The following HPCAL1 variants were observed in gnomAD, a reference collection of about 807,000 sequenced individuals.
The protein encoded by HPCAL1 is hippocalcin like 1, also known as hippocalcin-like protein 1.
A neutral mutation model predicts 17.1 loss-of-function variants in HPCAL1; 8 were observed. That is an observed-to-expected ratio of 0.47 (90% CI 0.27 to 0.84). HPCAL1 has a LOEUF of 0.84. Ranked by LOEUF, HPCAL1 falls within the 40% of genes least tolerant of loss-of-function variation. The pLI is 0.13. For synonymous variants in HPCAL1, 112 were observed against 111.4 expected, an observed-to-expected ratio of 1.01 and a Z score of -0.03; for missense variants, 165 against 271.1, an observed-to-expected ratio of 0.61 and a Z score of 2.75.
chr2:10,405,864 C>G (rs1669938199), intron 2 of HPCAL1, among the ~76,000 whole-genome samples: 1 of 152,256 alleles, frequency 6.6e-6, no homozygotes, highest in South Asian at 2.1e-4. Context: ...TGCCCTCTTA[C>G]ATTTTCTCCC....
In HPCAL1 at chr2:10,343,585, G is replaced by A. The variant is rs1665227655; in HGVS notation, c.-111+40408G>A. Among the ~76,000 whole-genome samples, 1 of 152,206 alleles carries A rather than the reference G, an allele frequency of 6.6e-6. No homozygotes were observed. Among genetic ancestry groups the A allele is most frequent in the Non-Finnish European group, 1.5e-5 (1 of 68,040 alleles). On this transcript the variant is annotated intron_variant, in intron 1 of 4. Coordinates refer to ENST00000307845, the MANE Select transcript of HPCAL1 (RefSeq NM_002149.4). This position sits in a 1 kb window ranked among gnomAD's most constrained non-coding sequence, Gnocchi z 4.8. ...GATTTTTAGGGTGGGCATGGCTTTA[G>A]GTGGGACCTCCACTATATGGGTTTG... is the stretch of plus-strand genomic sequence containing the variant.
intron 1 of HPCAL1, among the ~76,000 whole-genome samples, chr2:10,327,024 C>A (rs1370303104): frequency 6.6e-6 from 1 of 152,174 alleles, no homozygotes; most frequent in Admixed American, 6.5e-5. Flanking sequence ...CTCCTTCTCC[C>A]AGGTGGCCAG....
chr2:10,426,947 C>T lies in HPCAL1; in HGVS notation c.*126C>T, dbSNP rs1191806159. 1.2e-6 allele frequency: 1 copy of T among 836,778 alleles called. No individual in the cohort carries two copies. The allele number at this position is 836,778 out of a possible 1,614,324, so 51.8% of individuals were successfully genotyped here. ...GGCCCCGGGCCTGGGGCATGCGTTG[C>T]ACCTGCCCAGCCCGGTGGCTGCGCC... On this transcript the variant is annotated 3_prime_UTR_variant, in exon 5 of 5. Transcript: ENST00000307845.
Position 10,397,407 on chromosome 2 carries a change from G to A in HPCAL1, c.-25+487G>A, listed in dbSNP as rs111778564. On this transcript the variant is annotated intron_variant, in intron 2 of 4. Transcript: ENST00000307845. Reference sequence around the variant, plus strand: ...CTCAGCCCTCTGGACCCCCACCCACGCCAGATAAGCTGTCTGCGCTGGGAG... The same window carrying A: ...CTCAGCCCTCTGGACCCCCACCCACACCAGATAAGCTGTCTGCGCTGGGAG... Among the ~76,000 whole-genome samples the A allele has an allele frequency of 4.6e-3, 706 of 152,162 alleles. 5 individuals are homozygous for A. The highest frequency in any genetic ancestry group is 0.016 in the African/African-American group (670 of 41,520).
rs55678486 is a variant in HPCAL1, at chr2:10,395,113, AACACACACACACACACACACAC to A, written c.-110-1697_-110-1676del. Among the ~76,000 whole-genome samples the A allele has an allele frequency of 9.4e-5, 13 of 138,434 alleles. No individual in the cohort carries two copies. In the South Asian group the frequency reaches 9.8e-4, roughly 10 times the overall value. The allele number at this position is 138,434 out of a possible 152,430, so 90.8% of individuals were successfully genotyped here. A position where few individuals can be genotyped will look rare whatever the true frequency, so the allele number is the denominator to read the frequency against. ...TGTCCAGCCTAAAATCTATCTTTAA[AACACACACACACACACACACAC>A]ACACACACACACACACACACACACT... On this transcript the variant is annotated intron_variant, in intron 1 of 4. Coordinates refer to ENST00000307845, the MANE Select transcript of HPCAL1 (RefSeq NM_002149.4). The surrounding 1 kb of genome is among the most constrained non-coding windows in gnomAD (Gnocchi z 4.4).
At chr2:10,355,819 T>G (rs1223103137) in intron 1 of HPCAL1, among the ~76,000 whole-genome samples, 1 of 152,056 alleles carries the variant, frequency 6.6e-6, no homozygotes, top group Admixed American at 6.6e-5. Context: ...GAAGGTTTCT[T>G]TTGGGTCTGA....
At chr2:10,410,433 C>CTT (rs1375538450) in intron 2 of HPCAL1, among the ~76,000 whole-genome samples, 4 of 75,938 alleles carry the variant, frequency 5.3e-5, no homozygotes, top group Admixed American at 1.7e-4. Context: ...TTTTCTTCTT[C>CTT]TTCTTTTTTT....
At chr2:10,320,716 C>T (rs1228134619) in intron 1 of HPCAL1, among the ~76,000 whole-genome samples, 1 of 152,242 alleles carries the variant, frequency 6.6e-6, no homozygotes, top group African/African-American at 2.4e-5. Context: ...TGGGCTCCAC[C>T]TGGCACCTTG....
At chr2:10,338,424 T>C (rs1057217431) in intron 1 of HPCAL1, among the ~76,000 whole-genome samples, 2 of 152,146 alleles carry the variant, frequency 1.3e-5, no homozygotes, top group African/African-American at 4.8e-5. Context: ...TTCAAATAGA[T>C]TGCATAACCT....
chr2:10,416,583 G>A (rs1670687623), intron 2 of HPCAL1, among the ~76,000 whole-genome samples: 1 of 152,140 alleles, frequency 6.6e-6, no homozygotes. Context: ...CGAGCAACCT[G>A]GGCAACATAG....
At chr2:10,332,467 G>A (rs1384202221) in intron 1 of HPCAL1, among the ~76,000 whole-genome samples, 1 of 152,160 alleles carries the variant, frequency 6.6e-6, no homozygotes, top group Non-Finnish European at 1.5e-5. Flanking sequence ...ATCTAGAACA[G>A]CTTCTGCCTA....
At chr2:10,345,020 C>T (rs1665329580) in intron 1 of HPCAL1, among the ~76,000 whole-genome samples, 1 of 144,568 alleles carries the variant, frequency 6.9e-6, no homozygotes, top group African/African-American at 2.6e-5. Context: ...TCTCTTTCTG[C>T]CTCTCTCTAT....
chr2:10,394,962 A>AT lies in HPCAL1; in HGVS notation c.-110-1867dup, dbSNP rs199775253. 6.6e-6 allele frequency among the ~76,000 whole-genome samples: 1 copy of AT among 151,730 alleles called. No individual in the cohort carries two copies. The highest frequency in any genetic ancestry group is 1.9e-4 in the East Asian group (1 of 5,156). On this transcript the variant is annotated intron_variant, in intron 1 of 4. Transcript: ENST00000307845. The surrounding 1 kb of genome is among the most constrained non-coding windows in gnomAD (Gnocchi z 5.0). ...AGGCACGCACCACCACGCATGGCTAATTTTTTGTATTTTTAGTAGAGATGG... is the reference window on the plus strand; with the variant it reads ...AGGCACGCACCACCACGCATGGCTAATTTTTTTGTATTTTTAGTAGAGATGG...
intron 2 of HPCAL1, among the ~76,000 whole-genome samples, chr2:10,416,070 G>C (rs568374183): frequency 4.6e-5 from 7 of 152,314 alleles, no homozygotes; most frequent in African/African-American, 1.4e-4. Context: ...CGCAAGGCTG[G>C]TCCTTCACAA....
chr2:10,317,912 G>C (rs77384443), intron 1 of HPCAL1, among the ~76,000 whole-genome samples: 1 of 152,190 alleles, frequency 6.6e-6, no homozygotes. Context: ...GCTAAACCTC[G>C]GGGCCTGGAA....
intron 1 of HPCAL1, among the ~76,000 whole-genome samples, chr2:10,307,087 G>A (rs1437500913): frequency 6.6e-6 from 1 of 152,170 alleles, no homozygotes; most frequent in African/African-American, 2.4e-5. Context: ...CAGGAGCCTG[G>A]GGGTGGAGGT....
Position 10,399,535 on chromosome 2 carries a change from C to CCAT in HPCAL1, c.-25+2616_-25+2617insATC, listed in dbSNP as rs1448913165. The stretch of plus-strand genomic sequence containing the variant: ...ACCGCCGCCACCACCGCCACTGCCA[C>CCAT]CGCCACCATCACCGCCACCACTACC... On this transcript the variant is annotated intron_variant, in intron 2 of 4. Coordinates refer to ENST00000307845, the MANE Select transcript of HPCAL1 (RefSeq NM_002149.4). Among the ~76,000 whole-genome samples the CCAT allele has an allele frequency of 2.7e-3, 302 of 111,290 alleles. 3 individuals are homozygous for CCAT. Among genetic ancestry groups the CCAT allele is most frequent in the Admixed American group, 4.4e-3 (50 of 11,292 alleles). The allele number at this position is 111,290 out of a possible 152,430, so 73.0% of individuals were successfully genotyped here.
In HPCAL1 at chr2:10,394,534, C is replaced by T. The variant is rs767662153; in HGVS notation, c.-110-2301C>T. On this transcript the variant is annotated intron_variant, in intron 1 of 4. Transcript: ENST00000307845. The surrounding 1 kb of genome is among the most constrained non-coding windows in gnomAD (Gnocchi z 5.0). Reference sequence around the variant, plus strand: ...GAGGGGCTTTAGGGCAGCGAGCCCGCGCTATGTGATGCTGTAATGGTGGGT... The same window carrying T: ...GAGGGGCTTTAGGGCAGCGAGCCCGTGCTATGTGATGCTGTAATGGTGGGT... Among the ~76,000 whole-genome samples the T allele has an allele frequency of 8.5e-5, 13 of 152,208 alleles. No homozygotes were observed. The highest frequency in any genetic ancestry group is 1.2e-4 in the Non-Finnish European group (8 of 68,050).
Position 10,323,818 on chromosome 2 carries a change from A to G in HPCAL1, c.-111+20641A>G, listed in dbSNP as rs1209240056. Among the ~76,000 whole-genome samples, 1 of 152,198 alleles carries G rather than the reference A, an allele frequency of 6.6e-6. No individual in the cohort carries two copies. Among genetic ancestry groups the G allele is most frequent in the Non-Finnish European group, 1.5e-5 (1 of 68,048 alleles). On this transcript the variant is annotated intron_variant, in intron 1 of 4. Transcript: ENST00000307845. This position sits in a 1 kb window ranked among gnomAD's most constrained non-coding sequence, Gnocchi z 4.6. ...CATTTAAAAAACAATAACAACAACA[A>G]CAAAAATCTGCGTCTTGTCGGAACT...
Sources: allele counts gnomAD v4.1 joint callset (sites outside exome capture counted in the v4.1 genomes callset), GRCh38; gene constraint gnomAD v4.1.1; non-coding constraint Gnocchi (gnomAD v3.1); transcripts MANE v1.5; gene names NCBI Gene and HGNC (gene_info 2026-07-23, HGNC 2026-07-21).